ZC3H12B: variants seen among roughly 807,000 people sequenced by gnomAD.
ZC3H12B encodes the protein probable ribonuclease ZC3H12B.
Under a neutral mutation model 43.9 loss-of-function variants are expected in ZC3H12B, and 7 were observed. The observed-to-expected ratio is 0.16, with a 90% CI of 0.09 to 0.30. ZC3H12B has a LOEUF of 0.30. ZC3H12B is among the 10% of genes least tolerant of loss of function. The pLI, the probability that ZC3H12B is intolerant of heterozygous loss-of-function variation, is 1.00. For missense variants in ZC3H12B, 475 were observed against 670.2 expected (o/e 0.71, Z 3.22); for synonymous variants, 222 against 241.7 (o/e 0.92, Z 0.76).
At chrX:65,218,150 G>A in the ZC3H12B span, among the ~76,000 whole-genome samples, 1 of 112,450 alleles carries the variant, frequency 8.9e-6, no homozygotes, top group African/African-American at 3.2e-5. Context: ...ATGATGTGAT[G>A]TATTCTAAGT....
chrX:65,416,776 G>A (rs1366740511), intron 3 of ZC3H12B, among the ~76,000 whole-genome samples: 7 of 105,571 alleles, frequency 6.6e-5, no homozygotes, highest in South Asian at 4.2e-4. Flanking sequence ...GCAACAGAGC[G>A]AGACTCCGTC....
At chrX:65,308,333 G>T in the ZC3H12B span, among the ~76,000 whole-genome samples, 1 of 110,623 alleles carries the variant, frequency 9.0e-6, no homozygotes, top group Non-Finnish European at 1.9e-5. Context: ...AAAAGCAGGG[G>T]TTGCAAGCCT....
chrX:65,186,850 C>T, the ZC3H12B span, among the ~76,000 whole-genome samples: 14 of 111,948 alleles, frequency 1.3e-4, no homozygotes, highest in Non-Finnish European at 2.1e-4. Context: ...CAGGTTGCTG[C>T]GAATGCCATT....
intron 2 of ZC3H12B, among the ~76,000 whole-genome samples, chrX:65,380,118 T>C (rs2066414851): frequency 9.0e-6 from 1 of 111,335 alleles, no homozygotes; most frequent in African/African-American, 3.3e-5. Context: ...GCCACAAAGA[T>C]ACTCCTTGAG....
chrX:65,218,187 G>A, the ZC3H12B span, among the ~76,000 whole-genome samples: 6 of 112,333 alleles, frequency 5.3e-5, no homozygotes, highest in Admixed American at 9.5e-5. Flanking sequence ...GAAGAAAGTG[G>A]CAGATAAGAG....
the ZC3H12B span, among the ~76,000 whole-genome samples, chrX:65,142,552 T>A: frequency 8.9e-6 from 1 of 112,709 alleles, no homozygotes; most frequent in East Asian, 2.8e-4. Flanking sequence ...GCTTTTGGTT[T>A]CTTGGTCATG....
chrX:65,111,413 C>G, the ZC3H12B span, among the ~76,000 whole-genome samples: 1 of 111,233 alleles, frequency 9.0e-6, no homozygotes, highest in Non-Finnish European at 1.9e-5. Flanking sequence ...TCCTGGTTTT[C>G]AGAGAGTCTT....
chrX:65,137,503 A>T, the ZC3H12B span, among the ~76,000 whole-genome samples: 1 of 111,923 alleles, frequency 8.9e-6, no homozygotes, highest in Non-Finnish European at 1.9e-5. Flanking sequence ...ATAAAATATA[A>T]CTCTCTGTTT....
the ZC3H12B span, among the ~76,000 whole-genome samples, chrX:65,300,812 A>G: frequency 9.0e-6 from 1 of 111,533 alleles, no homozygotes; most frequent in Non-Finnish European, 1.9e-5. Flanking sequence ...ATACCCTCAC[A>G]GAGTCCACTT....
chrX:65,397,014 AG>A (rs1488610214), intron 2 of ZC3H12B, among the ~76,000 whole-genome samples: 1 of 111,568 alleles, frequency 9.0e-6, no homozygotes, highest in Non-Finnish European at 1.9e-5. Flanking sequence ...ATCAGAGACT[AG>A]TATTGCAACC....
the ZC3H12B span, among the ~76,000 whole-genome samples, chrX:65,266,780 C>T: frequency 9.0e-6 from 1 of 111,116 alleles, no homozygotes; most frequent in African/African-American, 3.3e-5. Flanking sequence ...AAGGGTTTGC[C>T]TTTGTTTCCT....
chrX:65,078,602 T>A, the ZC3H12B span, among the ~76,000 whole-genome samples: 1 of 110,965 alleles, frequency 9.0e-6, no homozygotes, highest in East Asian at 2.8e-4. Context: ...GAGATTATCA[T>A]TGACCTTAGT....
At chrX:65,223,295 C>T in the ZC3H12B span, among the ~76,000 whole-genome samples, 453 of 107,938 alleles carry the variant, frequency 4.2e-3, 2 homozygotes, top group African/African-American at 0.013. Flanking sequence ...TAGAGGGAGA[C>T]GCCGTCTTAA....
At chrX:65,211,430 T>C in the ZC3H12B span, among the ~76,000 whole-genome samples, 1 of 108,194 alleles carries the variant, frequency 9.2e-6, no homozygotes, top group Non-Finnish European at 1.9e-5. Context: ...GAACACTTAG[T>C]ATGTTCTAGG....
chrX:65,052,395 A>G, the ZC3H12B span, among the ~76,000 whole-genome samples: 1 of 111,101 alleles, frequency 9.0e-6, no homozygotes, highest in Non-Finnish European at 1.9e-5. Flanking sequence ...CTATTGTGCT[A>G]TCAAATAGTA....
chrX:65,265,743 C>T, the ZC3H12B span, among the ~76,000 whole-genome samples: 1 of 111,690 alleles, frequency 9.0e-6, no homozygotes, highest in African/African-American at 3.3e-5. Context: ...TTGTTTGTAA[C>T]TTTCTGCTTC....
chrX:65,443,385 C>A (rs1368411121), intron 3 of ZC3H12B, among the ~76,000 whole-genome samples: 1 of 111,145 alleles, frequency 9.0e-6, no homozygotes, highest in Non-Finnish European at 1.9e-5. Context: ...TAGAGGCCGA[C>A]CCTAACCCAG....
Position 65,477,377 on chromosome X carries a change from GCACA to G in ZC3H12B, n.408-11252_408-11249del, listed in dbSNP as rs10538319. ...AAACAAGCATTATACACACACACGT[GCACA>G]CACACACACACACACAACAGGAGTT... On this transcript the variant is annotated intron_variant and non_coding_transcript_variant, in intron 3 of 5. Transcript: ENST00000617377. Among the ~76,000 whole-genome samples the G allele has an allele frequency of 1.2e-3, 122 of 105,286 alleles. 1 individual carries two copies. The highest frequency in any genetic ancestry group is 6.5e-3 in the South Asian group (16 of 2,465). The allele number at this position is 105,286 out of a possible 115,157, so 91.4% of individuals were successfully genotyped here.
At chrX:65,122,843 AATAT>A in the ZC3H12B span, among the ~76,000 whole-genome samples, 1 of 111,731 alleles carries the variant, frequency 9.0e-6, no homozygotes, top group African/African-American at 3.2e-5. Context: ...AACTATCCTA[AATAT>A]ATATGCATCC....
Sources: allele counts gnomAD v4.1 joint callset (sites outside exome capture counted in the v4.1 genomes callset), GRCh38; gene constraint gnomAD v4.1.1; transcripts MANE v1.5; gene names NCBI Gene and HGNC (gene_info 2026-07-23, HGNC 2026-07-21).